Variants in TTC1 observed in about 807,000 individuals in gnomAD.
The protein encoded by TTC1 is tetratricopeptide repeat domain 1.
A neutral mutation model predicts 37.6 loss-of-function variants in TTC1; 31 were observed. The observed-to-expected ratio is 0.82, with a 90% CI of 0.62 to 1.11. The LOEUF (loss-of-function observed/expected upper bound fraction) is 1.11. Among genes scored for constraint, TTC1 ranks in the 50% most tolerant of loss-of-function variants. The pLI is 0.00. For missense variants in TTC1, 351 were observed against 339.0 expected (o/e 1.04, Z -0.28); for synonymous variants, 127 against 122.4 (o/e 1.04, Z -0.25).
At chr5:160,060,948 GACTA>G (rs1029623625) in intron 7 of TTC1, among the ~76,000 whole-genome samples, 2 of 152,226 alleles carry the variant, frequency 1.3e-5, no homozygotes, top group Admixed American at 6.5e-5. Flanking sequence ...CACAATGTGG[GACTA>G]ACTTTCTGTC....
chr5:160,033,159 A>G (rs191299796), intron 2 of TTC1, among the ~76,000 whole-genome samples: 1 of 152,200 alleles, frequency 6.6e-6, no homozygotes, highest in Admixed American at 6.5e-5. Context: ...AACCCTAATC[A>G]ATACAGTAGA....
At chr5:160,023,674 A>G (rs914891585) in intron 2 of TTC1, 56 of 1,399,368 alleles carry the variant, frequency 4.0e-5, no homozygotes, top group Middle Eastern at 4.9e-4. Flanking sequence ...CTCAATGGGG[A>G]CAAAGCCGTG....
At chr5:160,024,043 C>T (rs1246995208) in intron 2 of TTC1, 12 of 1,238,830 alleles carry the variant, frequency 9.7e-6, no homozygotes, top group Non-Finnish European at 1.4e-5. Flanking sequence ...AGGTAGTGTT[C>T]AATCAATATA....
At chr5:160,040,890 G>A (rs748681181) in intron 4 of TTC1, among the ~76,000 whole-genome samples, 9 of 151,582 alleles carry the variant, frequency 5.9e-5, no homozygotes, top group Non-Finnish European at 1.0e-4. Flanking sequence ...AATTATAGGC[G>A]TGAGCTACTG....
intron 2 of TTC1, among the ~76,000 whole-genome samples, chr5:160,015,557 C>T (rs1014368592): frequency 7.9e-5 from 12 of 152,192 alleles, no homozygotes; most frequent in African/African-American, 2.7e-4. Context: ...TTGATGAGCA[C>T]ATGGAAGTGT....
chr5:160,050,105 C>T (rs1757362583), intron 6 of TTC1, among the ~76,000 whole-genome samples: 1 of 152,064 alleles, frequency 6.6e-6, no homozygotes, highest in Non-Finnish European at 1.5e-5. Context: ...GCTGTGACTA[C>T]ATCACTGCAT....
chr5:160,024,625 T>G (rs1176928729), intron 2 of TTC1, among the ~76,000 whole-genome samples: 1 of 151,934 alleles, frequency 6.6e-6, no homozygotes, highest in Non-Finnish European at 1.5e-5. Context: ...GCCTCCCTCA[T>G]AGCTGGGAAT....
intron 2 of TTC1, among the ~76,000 whole-genome samples, chr5:160,029,847 C>T (rs2113362159): frequency 6.6e-6 from 1 of 152,226 alleles, no homozygotes; most frequent in East Asian, 1.9e-4. Context: ...GCTAGGGAGG[C>T]TTGAACTGGA....
At chr5:160,023,898 G>A (rs1158350747) in intron 2 of TTC1, 4 of 1,603,486 alleles carry the variant, frequency 2.5e-6, no homozygotes, top group Non-Finnish European at 3.4e-6. Flanking sequence ...TTCCTTGTGG[G>A]GTCAGGCTTC....
At chr5:160,045,917 AT>A (rs1242302698) in intron 5 of TTC1, among the ~76,000 whole-genome samples, 1 of 151,724 alleles carries the variant, frequency 6.6e-6, no homozygotes, top group African/African-American at 2.4e-5. Flanking sequence ...TAATTTTTGT[AT>A]TTTTGGTAGA....
intron 5 of TTC1, among the ~76,000 whole-genome samples, chr5:160,048,849 G>T (rs1327403011): frequency 1.3e-5 from 2 of 152,180 alleles, no homozygotes; most frequent in Non-Finnish European, 2.9e-5. Flanking sequence ...TACGTGGGAG[G>T]CTGAGGTAGG....
chr5:160,028,108 G>A (rs1756837862), intron 2 of TTC1, among the ~76,000 whole-genome samples: 1 of 151,982 alleles, frequency 6.6e-6, no homozygotes. Flanking sequence ...GACCATCCTG[G>A]CTAACATTGT....
chr5:160,028,277 C>T (rs551065248), intron 2 of TTC1, among the ~76,000 whole-genome samples: 14 of 140,912 alleles, frequency 9.9e-5, no homozygotes, highest in African/African-American at 3.2e-4. Flanking sequence ...CCAGCATAGG[C>T]GACAGAGCAA....
intron 3 of TTC1, 173 bp from the exon 4 acceptor site, chr5:160,036,518 A>G: frequency 1.8e-6 from 1 of 548,214 alleles, no homozygotes; most frequent in Non-Finnish European, 3.3e-6. Flanking sequence ...TCCTTTAAAG[A>G]GAGAAGAAAA....
At chr5:160,062,791 T>C (rs546782176) in intron 7 of TTC1, among the ~76,000 whole-genome samples, 1 of 152,078 alleles carries the variant, frequency 6.6e-6, no homozygotes, top group African/African-American at 2.4e-5. Flanking sequence ...AACATTTTCT[T>C]GGGCTGCTTT....
chr5:160,010,686 T>C lies in TTC1; in HGVS notation c.158T>C (p.Leu53Pro). The stretch of plus-strand genomic sequence containing the variant: ...CTGCTCAGGGATGATGAGGCCCATC[T>C]CCAGGAGGACCAGGGAGAAGAGGAG... ...SKLLRDDEAH[L>P]QEDQGEEECF... Residue 53 changes from leucine to proline, a missense_variant, in exon 2 of 8, where the codon CTC becomes CCC. By Grantham distance (98) the Leu-to-Pro change is moderately conservative. Coordinates refer to ENST00000231238, the MANE Select transcript of TTC1 (RefSeq NM_003314.3). 1.9e-6 allele frequency: 3 copies of C among 1,613,724 alleles called. No homozygotes were observed. The highest frequency in any genetic ancestry group is 2.5e-6 in the Non-Finnish European group (3 of 1,179,820).
intron 2 of TTC1, among the ~76,000 whole-genome samples, chr5:160,011,721 A>C (rs1049974887): frequency 7.2e-5 from 11 of 152,196 alleles, no homozygotes; most frequent in Non-Finnish European, 1.5e-4. Context: ...CTGCTGTCCT[A>C]CTTCCTTCTG....
chr5:160,030,293 G>A lies in TTC1; in HGVS notation c.331-4847G>A, dbSNP rs34532554. ...ACACATAAGCAAACAAATGGAATGA[G>A]GGATAAGCATGGTAAGCTCTGAGAG... On this transcript the variant is annotated intron_variant, in intron 2 of 7. Transcript: ENST00000231238. Among the ~76,000 whole-genome samples, 387 of 152,266 alleles carry A rather than the reference G, an allele frequency of 2.5e-3. 1 individual carries two copies. The highest frequency in any genetic ancestry group is 6.3e-3 in the Admixed American group (97 of 15,292).
intron 4 of TTC1, 58 bp downstream of exon 4, chr5:160,036,861 C>A: frequency 1.6e-6 from 2 of 1,250,584 alleles, no homozygotes; most frequent in Non-Finnish European, 2.3e-6. Context: ...TCTTTTCATA[C>A]CATAGTTTCT....
Sources: allele counts gnomAD v4.1 joint callset (sites outside exome capture counted in the v4.1 genomes callset), GRCh38; gene constraint gnomAD v4.1.1; transcripts MANE v1.5; gene names NCBI Gene and HGNC (gene_info 2026-07-23, HGNC 2026-07-21).